The following ANO2 variants were observed in gnomAD, a reference collection of about 807,000 sequenced individuals.
ANO2 encodes the protein anoctamin 2.
Under a neutral mutation model 124.2 loss-of-function variants are expected in ANO2, and 101 were observed. The ratio of observed to expected loss-of-function variants is 0.81; its 90% CI spans 0.69 to 0.96. The LOEUF (loss-of-function observed/expected upper bound fraction) is 0.96. Among genes scored for constraint, ANO2 ranks in the 40% least tolerant of loss-of-function variants. The probability of loss-of-function intolerance (pLI) is 0.00; values close to 1 mark genes in which losing one functional copy is unlikely to be tolerated. For missense variants in ANO2, 1,293 were observed against 1,274.5 expected (o/e 1.01, Z -0.22); for synonymous variants, 486 against 482.5 (o/e 1.01, Z -0.09).
In ANO2 at chr12:5,722,806, G is replaced by C. The variant is rs938741359; in HGVS notation, c.1545+9714C>G. ...TTTATACGTGAATAAAAATGCATGAGAAAAGACCTGGAAGGGCACAAACCA... is the reference window on the plus strand; with the variant it reads ...TTTATACGTGAATAAAAATGCATGACAAAAGACCTGGAAGGGCACAAACCA... On this transcript the variant is annotated intron_variant, in intron 14 of 24. Coordinates refer to ENST00000682330, the MANE Select transcript of ANO2 (RefSeq NM_001364791.2). 3.9e-5 allele frequency among the ~76,000 whole-genome samples: 6 copies of C among 152,190 alleles called. No homozygotes were observed. The East Asian group carries it at 9.6e-4, about 24-fold the overall frequency.
At chr12:5,744,373 G>GA in intron 11 of ANO2, 56 bp from the exon 12 acceptor site, 1 of 1,590,406 alleles carries the variant, frequency 6.3e-7, no homozygotes, top group Non-Finnish European at 8.6e-7. Context: ...TCCACTCCAA[G>GA]AAAAATACAT....
At chr12:5,680,218 T>G (rs951124653) in intron 14 of ANO2, among the ~76,000 whole-genome samples, 13 of 152,248 alleles carry the variant, frequency 8.5e-5, no homozygotes, top group African/African-American at 3.1e-4. Flanking sequence ...GGATGATCTG[T>G]GCAGCAAACC....
At chr12:5,903,850 G>A (rs1336054193) in intron 3 of ANO2, among the ~76,000 whole-genome samples, 2 of 152,156 alleles carry the variant, frequency 1.3e-5, no homozygotes, top group South Asian at 4.1e-4. Context: ...GCCTGGTTTA[G>A]GCTAAGATTA....
intron 14 of ANO2, among the ~76,000 whole-genome samples, chr12:5,649,728 C>T (rs1314590184): frequency 1.3e-5 from 2 of 152,124 alleles, no homozygotes; most frequent in Non-Finnish European, 2.9e-5. Flanking sequence ...TCTCAGCCTC[C>T]CGACTAGCTG....
chr12:5,746,499 A>C (rs1047696822), intron 11 of ANO2, among the ~76,000 whole-genome samples: 2 of 152,338 alleles, frequency 1.3e-5, no homozygotes, highest in Middle Eastern at 3.4e-3. Context: ...AGATGAGGGA[A>C]GCCTGCCCAG....
chr12:5,915,954 T>C (rs1941352079), intron 3 of ANO2, among the ~76,000 whole-genome samples: 1 of 152,130 alleles, frequency 6.6e-6, no homozygotes, highest in Non-Finnish European at 1.5e-5. Context: ...AGGTACACTG[T>C]GGTGGCTGCA....
In ANO2 at chr12:5,564,479, C is replaced by T. The variant is rs571482029; in HGVS notation, c.2728-911G>A. ...TACACTTCCCTGGCTGCCAGTTGCACGCTCACATGCCTTTTCCCCTCTGAG... is the reference window on the plus strand; with the variant it reads ...TACACTTCCCTGGCTGCCAGTTGCATGCTCACATGCCTTTTCCCCTCTGAG... On this transcript the variant is annotated intron_variant, in intron 24 of 24. Transcript: ENST00000682330. 406 of 152,692 alleles carry T rather than the reference C, an allele frequency of 2.7e-3. 1 individual carries two copies. The highest frequency in any genetic ancestry group is 9.3e-3 in the African/African-American group (387 of 41,562). 9.5% of individuals were successfully genotyped at this position (152,692 alleles called of 1,614,324 possible). A position where few individuals can be genotyped will look rare whatever the true frequency, so the allele number is the denominator to read the frequency against.
At chr12:5,791,544 G>A (rs933433817) in intron 10 of ANO2, among the ~76,000 whole-genome samples, 2 of 152,202 alleles carry the variant, frequency 1.3e-5, no homozygotes, top group African/African-American at 4.8e-5. Flanking sequence ...TGGAACCCCA[G>A]CTAGCCTGAC....
chr12:5,655,006 T>C (rs1468758236), intron 14 of ANO2, among the ~76,000 whole-genome samples: 1 of 152,218 alleles, frequency 6.6e-6, no homozygotes, highest in Admixed American at 6.5e-5. Flanking sequence ...TGTGCCCCCG[T>C]TGCTGCCTGG....
chr12:5,612,950 C>T lies in ANO2; in HGVS notation c.1937G>A (p.Gly646Asp), dbSNP rs1478810004. ...YVAFFKGRFVGRPGSYVYVFD... is the reference protein window; with the variant it reads ...YVAFFKGRFVDRPGSYVYVFD... ...TACATAGACGTAGCTTCCAGGCCTG[C>T]CCACAAACCTGAAATCAAACAGTGT... The change falls in exon 18 of 25, where the codon GGC becomes GAC. Residue 646 changes from glycine (G) to aspartate (D), a missense_variant. By Grantham distance (94) the Gly-to-Asp change is moderately conservative. Coordinates refer to ENST00000682330, the MANE Select transcript of ANO2 (RefSeq NM_001364791.2). 3.1e-6 allele frequency: 5 copies of T among 1,613,756 alleles called. No individual in the cohort carries two copies. The highest frequency in any genetic ancestry group is 1.3e-5 in the African/African-American group (1 of 74,860).
chr12:5,588,625 T>A (rs1272077426), intron 20 of ANO2, among the ~76,000 whole-genome samples: 1 of 152,148 alleles, frequency 6.6e-6, no homozygotes, highest in Non-Finnish European at 1.5e-5. Flanking sequence ...AGACACTCAA[T>A]GAAAAATGAT....
intron 1 of ANO2, among the ~76,000 whole-genome samples, chr12:5,942,889 G>C (rs78711609): frequency 6.6e-6 from 1 of 152,140 alleles, no homozygotes; most frequent in Admixed American, 6.5e-5. Context: ...TCAGGGAAAT[G>C]CAAATTAAAA....
chr12:5,790,858 C>A (rs543880131), intron 10 of ANO2, among the ~76,000 whole-genome samples: 1 of 152,108 alleles, frequency 6.6e-6, no homozygotes, highest in African/African-American at 2.4e-5. Context: ...CTGACTCTTG[C>A]GCTGTTAACA....
intron 23 of ANO2, among the ~76,000 whole-genome samples, chr12:5,571,099 A>G (rs1217058743): frequency 6.6e-6 from 1 of 152,212 alleles, no homozygotes; most frequent in African/African-American, 2.4e-5. Flanking sequence ...GGCAGAAGCC[A>G]TCCACAGAAG....
chr12:5,604,228 T>C (rs940913060), intron 19 of ANO2, among the ~76,000 whole-genome samples: 1 of 152,138 alleles, frequency 6.6e-6, no homozygotes, highest in East Asian at 1.9e-4. Flanking sequence ...GTGTGGTTGG[T>C]GGTGCCGATG....
At chr12:5,930,744 C>A (rs1179068278) in intron 1 of ANO2, among the ~76,000 whole-genome samples, 1 of 152,162 alleles carries the variant, frequency 6.6e-6, no homozygotes, top group Non-Finnish European at 1.5e-5. Context: ...AAAATTTGGG[C>A]CCAATGGCCC....
intron 3 of ANO2, among the ~76,000 whole-genome samples, chr12:5,864,445 G>A (rs540860488): frequency 6.6e-6 from 1 of 152,346 alleles, no homozygotes; most frequent in Admixed American, 6.5e-5. Flanking sequence ...GAACTGTGAG[G>A]AAAGACCCAA....
chr12:5,653,616 A>G (rs377447), intron 14 of ANO2, among the ~76,000 whole-genome samples: 63,906 of 152,088 alleles, frequency 0.42, 15,532 homozygotes, highest in African/African-American at 0.66. Context: ...CTATACAGGA[A>G]GCATACATTG....
chr12:5,725,055 T>C (rs557217778), intron 14 of ANO2, among the ~76,000 whole-genome samples: 17 of 151,734 alleles, frequency 1.1e-4, no homozygotes, highest in Non-Finnish European at 2.5e-4. Flanking sequence ...GTCACTCCAA[T>C]GACACCATCA....
Sources: gnomAD v4.1 joint callset for allele counts (sites outside exome capture counted in the v4.1 genomes callset) on GRCh38, gnomAD v4.1.1 for gene constraint, MANE v1.5 for transcripts, NCBI Gene and HGNC (gene_info 2026-07-23, HGNC 2026-07-21) for gene names.